THTPA: variants seen among roughly 807,000 people sequenced by gnomAD.
THTPA encodes the protein thiamine-triphosphatase.
Under a neutral mutation model 16.5 loss-of-function variants are expected in THTPA, and 16 were observed. That is an observed-to-expected ratio of 0.97 (90% CI 0.66 to 1.47). The LOEUF (loss-of-function observed/expected upper bound fraction) is 1.47. Ranked by LOEUF, THTPA falls within the 40% of genes most tolerant of loss-of-function variation. The pLI is 0.00. For synonymous variants in THTPA, 110 were observed against 115.5 expected (o/e 0.95, Z 0.30); for missense variants, 281 against 280.9 (o/e 1.00, Z 0.00).
At chr14:23,525,936 G>A in the THTPA span, 1 of 1,477,728 alleles carries the variant, frequency 6.8e-7, no homozygotes, top group Non-Finnish European at 8.9e-7. The surrounding 1 kb of genome is among the most constrained non-coding windows in gnomAD (Gnocchi z 5.9). Flanking sequence ...AGAGGGGCTG[G>A]GAATCGGTGC....
chr14:23,537,825 G>A, the THTPA span, among the ~76,000 whole-genome samples: 3 of 152,132 alleles, frequency 2.0e-5, no homozygotes, highest in African/African-American at 4.8e-5. Flanking sequence ...TTATTCCATC[G>A]TCACCCACAG....
At chr14:23,531,574 G>A in the THTPA span, 1 of 1,526,182 alleles carries the variant, frequency 6.6e-7, no homozygotes, top group Non-Finnish European at 8.8e-7. Flanking sequence ...AGCAGCTGCA[G>A]ACGCCTCTGG....
chr14:23,547,956 C>T, the THTPA span, among the ~76,000 whole-genome samples: 1 of 152,094 alleles, frequency 6.6e-6, no homozygotes, highest in Non-Finnish European at 1.5e-5. Flanking sequence ...GGACTCTGTC[C>T]CATTTCCCCC....
the THTPA span, chr14:23,525,450 G>A: frequency 2.6e-6 from 4 of 1,536,040 alleles, no homozygotes; most frequent in Non-Finnish European, 2.6e-6. This position sits in a 1 kb window ranked among gnomAD's most constrained non-coding sequence, Gnocchi z 5.9. Flanking sequence ...TGTTCCTCGT[G>A]TGTCTTGAGG....
the THTPA span, chr14:23,530,629 C>T: frequency 8.5e-6 from 3 of 352,414 alleles, no homozygotes; most frequent in South Asian, 6.8e-5. Flanking sequence ...GAGATTACCG[C>T]TCAAGTAAGA....
At chr14:23,558,615 C>G (rs1708973434) in intron 1 of THTPA, 80 bp from the exon 2 acceptor site, 4 of 1,575,020 alleles carry the variant, frequency 2.5e-6, no homozygotes, top group Middle Eastern at 1.7e-4. Flanking sequence ...TCCACGGAGT[C>G]CTGGCTAGGT....
the THTPA span, among the ~76,000 whole-genome samples, chr14:23,541,541 C>T: frequency 2.6e-5 from 4 of 152,146 alleles, no homozygotes; most frequent in Admixed American, 2.6e-4. Context: ...CCCACCTCGC[C>T]CTCCCAAAGT....
upstream of THTPA, chr14:23,551,756 A>G (rs2138951954): frequency 6.5e-6 from 1 of 152,846 alleles, no homozygotes; most frequent in South Asian, 1.8e-4. The surrounding 1 kb of genome is among the most constrained non-coding windows in gnomAD (Gnocchi z 5.3). Context: ...GGCGTCCCAC[A>G]CAATGGAATA....
chr14:23,536,856 G>A, the THTPA span, among the ~76,000 whole-genome samples: 2 of 152,348 alleles, frequency 1.3e-5, no homozygotes, highest in East Asian at 3.9e-4. Context: ...GAGGATTCCA[G>A]TCTGGGCACG....
At chr14:23,532,876 C>T in the THTPA span, 1 of 1,536,252 alleles carries the variant, frequency 6.5e-7, no homozygotes. Context: ...CCACCTCCTT[C>T]CATTCAGCTT....
the THTPA span, among the ~76,000 whole-genome samples, chr14:23,519,975 G>A: frequency 6.6e-6 from 1 of 152,168 alleles, no homozygotes; most frequent in Non-Finnish European, 1.5e-5. Context: ...GGAGGACGAG[G>A]AATTTTGCAG....
At chr14:23,524,736 G>T in the THTPA span, 2 of 1,536,350 alleles carry the variant, frequency 1.3e-6, no homozygotes, top group African/African-American at 2.7e-5. This position sits in a 1 kb window ranked among gnomAD's most constrained non-coding sequence, Gnocchi z 5.6. Flanking sequence ...GGAGGCTCTG[G>T]TAATGGGCCC....
At chr14:23,554,956 C>T (rs968941467), upstream of THTPA, among the ~76,000 whole-genome samples, 9 of 152,160 alleles carry the variant, frequency 5.9e-5, no homozygotes, top group Non-Finnish European at 7.3e-5. Flanking sequence ...TCTCCCAAAG[C>T]ATTCAAAGGG....
At chr14:23,521,668 G>A in the THTPA span, 3 of 398,968 alleles carry the variant, frequency 7.5e-6, no homozygotes, top group Non-Finnish European at 9.0e-6. Flanking sequence ...AGGCAGACAT[G>A]TATGAATAAT....
intron 1 of THTPA, among the ~76,000 whole-genome samples, chr14:23,557,666 C>T (rs1167918418): frequency 1.3e-5 from 2 of 152,176 alleles, no homozygotes; most frequent in Non-Finnish European, 2.9e-5. Flanking sequence ...TCCAGCCAAC[C>T]TGCCTCATTT....
the THTPA span, chr14:23,527,644 T>C: frequency 6.5e-7 from 1 of 1,536,460 alleles, no homozygotes; most frequent in Non-Finnish European, 8.7e-7. Flanking sequence ...CACCACGTTG[T>C]GAAGGTGGCT....
chr14:23,531,196 A>C, the THTPA span: 1 of 301,238 alleles, frequency 3.3e-6, no homozygotes. Context: ...CCAGGACACT[A>C]GTCACTACTC....
At chr14:23,529,646 T>C in the THTPA span, 55 of 1,412,738 alleles carry the variant, frequency 3.9e-5, no homozygotes, top group Non-Finnish European at 5.2e-5. Flanking sequence ...GCCTTTAGAA[T>C]ATGAGCAGAT....
the THTPA span, chr14:23,525,804 G>T: frequency 2.7e-6 from 4 of 1,472,306 alleles, no homozygotes; most frequent in Admixed American, 2.4e-5. This position sits in a 1 kb window ranked among gnomAD's most constrained non-coding sequence, Gnocchi z 5.9. Context: ...GGCCCAGCTA[G>T]TGTCAGCTTG....
Sources: allele counts gnomAD v4.1 joint callset (sites outside exome capture counted in the v4.1 genomes callset), GRCh38; gene constraint gnomAD v4.1.1; non-coding constraint Gnocchi (gnomAD v3.1); transcripts MANE v1.5; gene names NCBI Gene and HGNC (gene_info 2026-07-23, HGNC 2026-07-21).